CD84: variants seen among roughly 807,000 people sequenced by gnomAD.
The protein encoded by CD84 is SLAM family member 5.
CD84 carries 22 observed loss-of-function variants against 33.8 expected under a neutral mutation model. The ratio of observed to expected loss-of-function variants is 0.65; its 90% CI spans 0.46 to 0.93. CD84 has a LOEUF of 0.93. Ranked by LOEUF, CD84 falls within the 40% of genes least tolerant of loss-of-function variation. The probability of loss-of-function intolerance (pLI) is 0.00; values close to 1 mark genes in which losing one functional copy is unlikely to be tolerated. For missense variants in CD84, 400 were observed against 397.6 expected, an observed-to-expected ratio of 1.01 and a Z score of -0.05; for synonymous variants, 154 against 145.2, an observed-to-expected ratio of 1.06 and a Z score of -0.44.
Position 160,565,875 on chromosome 1 carries a change from T to C in CD84, c.47-130A>G, listed in dbSNP as rs1657294827. ...TCACCCAGTTTCTTGAGGATGCCTT[T>C]TTTTTTTTTTGGCATTCTACTCTAG... On this transcript the variant is annotated intron_variant, in intron 1 of 6. Transcript: ENST00000368054. 21 of 660,136 alleles carry C rather than the reference T, an allele frequency of 3.2e-5. No individual in the cohort carries two copies. The South Asian group carries it at 5.0e-4, about 16-fold the overall frequency. The allele number at this position is 660,136 out of a possible 1,614,324, so 40.9% of individuals were successfully genotyped here.
chr1:160,543,313 G>C lies in CD84; in HGVS notation c.*4943C>G, dbSNP rs959268311. ...GTGTACACCTAAGGCCAAGTACCAG[G>C]TAGGGAGAATCCACAGGAGGTAAAA... On this transcript the variant is annotated 3_prime_UTR_variant, in exon 7 of 7. Transcript: ENST00000368054. 1.3e-5 allele frequency: 2 copies of C among 152,182 alleles called. No homozygotes were observed. The highest frequency in any genetic ancestry group is 1.9e-4 in the East Asian group (1 of 5,206). 9.4% of individuals were successfully genotyped at this position (152,182 alleles called of 1,614,324 possible). A position where few individuals can be genotyped will look rare whatever the true frequency, so the allele number is the denominator to read the frequency against.
At chr1:160,548,578 G>A (rs1264798606) in intron 6 of CD84, among the ~76,000 whole-genome samples, 1 of 152,092 alleles carries the variant, frequency 6.6e-6, no homozygotes, top group Non-Finnish European at 1.5e-5. Context: ...AATGGGGGCG[G>A]GGGCATATTT....
chr1:160,570,720 G>GT, intron 1 of CD84, among the ~76,000 whole-genome samples: 1 of 152,012 alleles, frequency 6.6e-6, no homozygotes, highest in South Asian at 2.1e-4. Context: ...AATATACCTG[G>GT]GCATGATGGT....
intron 2 of CD84, among the ~76,000 whole-genome samples, chr1:160,554,426 G>T (rs996741643): frequency 4.0e-5 from 6 of 151,876 alleles, no homozygotes; most frequent in Non-Finnish European, 7.4e-5. Context: ...TTCTAATTCT[G>T]CATGTCTTAA....
intron 1 of CD84, among the ~76,000 whole-genome samples, chr1:160,578,257 A>C (rs564862553): frequency 1.3e-5 from 2 of 152,170 alleles, no homozygotes; most frequent in African/African-American, 4.8e-5. Flanking sequence ...ATGTTTTGCA[A>C]ATTAAGTGGT....
chr1:160,576,963 T>C (rs751113168), intron 1 of CD84, among the ~76,000 whole-genome samples: 5 of 151,958 alleles, frequency 3.3e-5, no homozygotes, highest in Non-Finnish European at 5.9e-5. Flanking sequence ...TGAGACAGTA[T>C]ATGTAGAGGG....
chr1:160,552,635 T>G, intron 4 of CD84: 1 of 1,085,636 alleles, frequency 9.2e-7, no homozygotes, highest in Non-Finnish European at 1.4e-6. Flanking sequence ...TGCTTAGTCT[T>G]AACCACTCTG....
chr1:160,562,270 C>T (rs912459298), intron 2 of CD84, among the ~76,000 whole-genome samples: 1 of 152,116 alleles, frequency 6.6e-6, no homozygotes, highest in Non-Finnish European at 1.5e-5. Context: ...ATAGCCAAGA[C>T]AGTCCTAAGC....
At chr1:160,558,407 G>A (rs891532194) in intron 2 of CD84, among the ~76,000 whole-genome samples, 5 of 152,108 alleles carry the variant, frequency 3.3e-5, no homozygotes, top group Non-Finnish European at 7.3e-5. Context: ...AGAGTAGCCT[G>A]ACTATTGAAA....
At chr1:160,558,803 A>C (rs530758052) in intron 2 of CD84, among the ~76,000 whole-genome samples, 1 of 152,322 alleles carries the variant, frequency 6.6e-6, no homozygotes, top group South Asian at 2.1e-4. Flanking sequence ...AACCGACCTG[A>C]TGGAGCTGAA....
At chr1:160,555,434 T>C (rs1557973365) in intron 2 of CD84, among the ~76,000 whole-genome samples, 1 of 152,190 alleles carries the variant, frequency 6.6e-6, no homozygotes, top group Non-Finnish European at 1.5e-5. Flanking sequence ...TATGTATATT[T>C]TCTTTATTTT....
intron 1 of CD84, among the ~76,000 whole-genome samples, chr1:160,568,793 G>A (rs1657491240): frequency 6.6e-6 from 1 of 152,156 alleles, no homozygotes; most frequent in African/African-American, 2.4e-5. Flanking sequence ...GCTAGTTTTT[G>A]TATTTTTAGT....
intron 1 of CD84, among the ~76,000 whole-genome samples, chr1:160,569,515 G>T (rs1459868660): frequency 9.8e-6 from 1 of 101,806 alleles, no homozygotes; most frequent in Non-Finnish European, 1.9e-5. Flanking sequence ...AGGGAAATAA[G>T]ATACACACAC....
chr1:160,556,011 A>T (rs916499542), intron 2 of CD84, among the ~76,000 whole-genome samples: 2 of 152,214 alleles, frequency 1.3e-5, no homozygotes, highest in African/African-American at 2.4e-5. Flanking sequence ...AGTGACTGAT[A>T]CGATATCAAT....
chr1:160,576,559 T>A (rs1486981331), intron 1 of CD84, among the ~76,000 whole-genome samples: 1 of 152,082 alleles, frequency 6.6e-6, no homozygotes, highest in Non-Finnish European at 1.5e-5. Flanking sequence ...AATAAATAAA[T>A]CATCACTCTT....
At chr1:160,557,570 A>T (rs534683359) in intron 2 of CD84, among the ~76,000 whole-genome samples, 1 of 152,244 alleles carries the variant, frequency 6.6e-6, no homozygotes, top group Non-Finnish European at 1.5e-5. Flanking sequence ...TCTTTGAGAA[A>T]TGGCCAAGGT....
At chr1:160,556,749 G>T (rs1395302856) in intron 2 of CD84, among the ~76,000 whole-genome samples, 3 of 152,116 alleles carry the variant, frequency 2.0e-5, no homozygotes, top group Non-Finnish European at 4.4e-5. Flanking sequence ...AGATTTTATT[G>T]TATATACAGT....
Position 160,554,019 on chromosome 1 carries a change from TC to T in CD84, c.515del (p.Gly172GlufsTer18). 6.2e-7 allele frequency: 1 copy of T among 1,614,224 alleles called. No homozygotes were observed. The highest frequency in any genetic ancestry group is 8.5e-7 in the Non-Finnish European group (1 of 1,180,038). ...KNVTYNWSPL[G>X]EEGNVLQIFQ... Reference sequence around the variant, plus strand: ...AGATTTGAAGGACATTACCCTCTTCTCCCAGGGGACTCCAATTGTATGTCAC... The same window carrying T: ...AGATTTGAAGGACATTACCCTCTTCTCCAGGGGACTCCAATTGTATGTCAC... On this transcript the variant is annotated frameshift_variant, in exon 3 of 7. Coordinates refer to ENST00000368054, the MANE Select transcript of CD84 (RefSeq NM_003874.4). LOFTEE classifies it high-confidence loss of function.
At chr1:160,570,668 C>G (rs1657636427) in intron 1 of CD84, among the ~76,000 whole-genome samples, 1 of 152,098 alleles carries the variant, frequency 6.6e-6, no homozygotes, top group South Asian at 2.1e-4. Flanking sequence ...CGAGACCAGC[C>G]TGGGTAACAT....
Sources: gnomAD v4.1 joint callset for allele counts (sites outside exome capture counted in the v4.1 genomes callset) on GRCh38, gnomAD v4.1.1 for gene constraint, MANE v1.5 for transcripts, NCBI Gene and HGNC (gene_info 2026-07-23, HGNC 2026-07-21) for gene names.